Variants in ARSB observed in about 807,000 individuals in gnomAD.
ARSB encodes the protein N-acetylgalactosamine-4-sulfatase.
A neutral mutation model predicts 50.9 loss-of-function variants in ARSB; 41 were observed. That is an observed-to-expected ratio of 0.81 (90% CI 0.63 to 1.04). The LOEUF is 1.04. ARSB is among the 50% of genes least tolerant of loss of function. The pLI, the probability that ARSB is intolerant of heterozygous loss-of-function variation, is 0.00. For missense variants in ARSB, 672 were observed against 693.3 expected (o/e 0.97, Z 0.35); for synonymous variants, 269 against 284.8 (o/e 0.94, Z 0.56).
chr5:78,830,603 G>A (rs536123813), intron 6 of ARSB, among the ~76,000 whole-genome samples: 2 of 152,184 alleles, frequency 1.3e-5, no homozygotes, highest in Non-Finnish European at 2.9e-5. Flanking sequence ...AAGGTTTCAT[G>A]CGTGCTCCTT....
chr5:78,936,486 A>T (rs906240221), intron 4 of ARSB, among the ~76,000 whole-genome samples: 1 of 151,822 alleles, frequency 6.6e-6, no homozygotes, highest in Admixed American at 6.6e-5. Flanking sequence ...CCTAAGAAAA[A>T]AAAAAAAAGA....
At chr5:78,901,556 T>A (rs184329484) in intron 4 of ARSB, among the ~76,000 whole-genome samples, 45 of 151,374 alleles carry the variant, frequency 3.0e-4, no homozygotes, top group African/African-American at 1.1e-3. Flanking sequence ...AATAGTTTTT[T>A]CAAAAAAAAA....
intron 4 of ARSB, among the ~76,000 whole-genome samples, chr5:78,928,386 G>C (rs1205058118): frequency 8.2e-6 from 1 of 122,176 alleles, no homozygotes; most frequent in Non-Finnish European, 1.6e-5. Flanking sequence ...TGCCATCTCA[G>C]CTCACTGCAA....
At chr5:78,872,142 T>C (rs77534652) in intron 5 of ARSB, among the ~76,000 whole-genome samples, 42,723 of 135,344 alleles carry the variant, frequency 0.32, 8,700 homozygotes, top group Admixed American at 0.43. Context: ...GTTAGAACGG[T>C]AATCATTAAA....
intron 1 of ARSB, among the ~76,000 whole-genome samples, chr5:78,974,424 A>C (rs1029553909): frequency 2.0e-5 from 3 of 152,260 alleles, no homozygotes; most frequent in Admixed American, 6.5e-5. Context: ...AAAGGGTTTC[A>C]GTGCCTCCCT....
At position 78,985,082 on chromosome 5, in the gene ARSB, C is replaced by T. The variant is rs1554032211; in HGVS notation, c.167G>A (p.Gly56Asp). ...GCCGTGGAAGCCGACGTCGTTCCAGCCTAGGTCGTCTGCCAGCAAGAAGAC... is the reference window on the plus strand; with the variant it reads ...GCCGTGGAAGCCGACGTCGTTCCAGTCTAGGTCGTCTGCCAGCAAGAAGAC... The part of the protein sequence containing the change: ...HLVFLLADDL[G>D]WNDVGFHGSR... The change falls in exon 1 of 8, where the codon GGC (glycine) becomes GAC (aspartate). Residue 56 changes from glycine (G) to aspartate (D), a missense_variant. Transcript: ENST00000264914. 1 of 1,534,284 alleles carries T rather than the reference C, an allele frequency of 6.5e-7. No homozygotes were observed. The highest frequency in any genetic ancestry group is 1.4e-5 in the African/African-American group (1 of 70,152).
intron 6 of ARSB, among the ~76,000 whole-genome samples, chr5:78,791,069 C>T (rs912622365): frequency 1.3e-5 from 2 of 152,162 alleles, no homozygotes; most frequent in Non-Finnish European, 2.9e-5. Flanking sequence ...AGCAAAATTT[C>T]ATTCTTCGCC....
At chr5:78,946,912 T>A (rs2112457786) in intron 4 of ARSB, among the ~76,000 whole-genome samples, 1 of 152,212 alleles carries the variant, frequency 6.6e-6, no homozygotes. Flanking sequence ...AACAGCACGG[T>A]ACTAGCATAA....
chr5:78,812,826 C>G (rs1294819458), intron 6 of ARSB, among the ~76,000 whole-genome samples: 1 of 151,976 alleles, frequency 6.6e-6, no homozygotes, highest in Non-Finnish European at 1.5e-5. Flanking sequence ...AACCCTGTCT[C>G]TACAAAATAC....
chr5:78,822,684 C>T (rs1744281043), intron 6 of ARSB, among the ~76,000 whole-genome samples: 1 of 152,196 alleles, frequency 6.6e-6, no homozygotes. Context: ...GTCACCCAGG[C>T]TGGAGTGCAG....
At chr5:78,915,244 C>T (rs1749491831) in intron 4 of ARSB, among the ~76,000 whole-genome samples, 1 of 151,920 alleles carries the variant, frequency 6.6e-6, no homozygotes, top group Non-Finnish European at 1.5e-5. Flanking sequence ...CTACTGCTGC[C>T]ACCTCTAATC....
At chr5:78,935,788 A>G (rs973260621) in intron 4 of ARSB, among the ~76,000 whole-genome samples, 3 of 152,142 alleles carry the variant, frequency 2.0e-5, no homozygotes, top group African/African-American at 4.8e-5. Flanking sequence ...TGAAGAAAAT[A>G]AGGCACTGGA....
chr5:78,964,624 G>A lies in ARSB; in HGVS notation c.500-18C>T, dbSNP rs766521559. Reference sequence around the variant, plus strand: ...GAGATATCCTGCAAGAATGGAAGACGAAAATAGTCAGCATAGCATAAAACT... The same window carrying A: ...GAGATATCCTGCAAGAATGGAAGACAAAAATAGTCAGCATAGCATAAAACT... On this transcript the variant is annotated intron_variant, in intron 2 of 7. Transcript: ENST00000264914. 18 of 1,608,668 alleles carry A rather than the reference G, an allele frequency of 1.1e-5. No individual in the cohort carries two copies. The highest frequency in any genetic ancestry group is 1.4e-5 in the Non-Finnish European group (16 of 1,177,336).
At position 78,827,369 on chromosome 5, in the gene ARSB, C is replaced by T. The variant is rs183411774; in HGVS notation, c.1213+11987G>A. Among the ~76,000 whole-genome samples the T allele has an allele frequency of 6.6e-5, 10 of 152,156 alleles. No individual in the cohort carries two copies. In the East Asian group the frequency reaches 7.7e-4, roughly 12 times the overall value. ...GACTACAGGTGTGTGCCACCATGCC[C>T]GGCTACTTTTTTGTATTTTTTAGTA... On this transcript the variant is annotated intron_variant, in intron 6 of 7. Transcript: ENST00000264914.
chr5:78,980,298 T>C (rs1752846123), intron 1 of ARSB, among the ~76,000 whole-genome samples: 1 of 152,260 alleles, frequency 6.6e-6, no homozygotes, highest in Non-Finnish European at 1.5e-5. Context: ...AATTTTGCAA[T>C]ATTTATCAAA....
At chr5:78,860,858 C>A (rs1746399843) in intron 5 of ARSB, among the ~76,000 whole-genome samples, 1 of 151,098 alleles carries the variant, frequency 6.6e-6, no homozygotes, top group Non-Finnish European at 1.5e-5. Context: ...AATTGATAGA[C>A]CACTAGCAAG....
chr5:78,941,578 T>G (rs1750924542), intron 4 of ARSB, among the ~76,000 whole-genome samples: 1 of 152,244 alleles, frequency 6.6e-6, no homozygotes, highest in African/African-American at 2.4e-5. Flanking sequence ...ATATGCTGGA[T>G]TACCTTTATT....
At chr5:78,798,327 C>A (rs7735667) in intron 6 of ARSB, among the ~76,000 whole-genome samples, 1 of 149,848 alleles carries the variant, frequency 6.7e-6, no homozygotes. Flanking sequence ...TCTAAATACA[C>A]GTTTTTTTAA....
chr5:78,873,663 T>C (rs1747343571), intron 5 of ARSB, among the ~76,000 whole-genome samples: 1 of 150,402 alleles, frequency 6.6e-6, no homozygotes, highest in Admixed American at 6.6e-5. Flanking sequence ...GCCCGGCTAA[T>C]TTTTTGTATT....
Sources: allele counts gnomAD v4.1 joint callset (sites outside exome capture counted in the v4.1 genomes callset), GRCh38; gene constraint gnomAD v4.1.1; transcripts MANE v1.5; gene names NCBI Gene and HGNC (gene_info 2026-07-23, HGNC 2026-07-21).